Variants in FTO observed in about 807,000 individuals in gnomAD.
FTO encodes the protein FTO alpha-ketoglutarate dependent dioxygenase, also known as alpha-ketoglutarate-dependent dioxygenase FTO.
In FTO, 47 loss-of-function variants were observed where a neutral mutation model predicts 63.9. The observed-to-expected ratio is 0.74, with a 90% CI of 0.58 to 0.94. The LOEUF (loss-of-function observed/expected upper bound fraction) is 0.94. FTO is among the 40% of genes least tolerant of loss of function. FTO has a pLI of 0.00. For missense variants in FTO, 562 were observed against 618.1 expected, an observed-to-expected ratio of 0.91 and a Z score of 0.96; for synonymous variants, 207 against 224.4, an observed-to-expected ratio of 0.92 and a Z score of 0.69.
intron 8 of FTO, among the ~76,000 whole-genome samples, chr16:53,968,013 A>T (rs2083233637): frequency 6.6e-6 from 1 of 152,212 alleles, no homozygotes; most frequent in Non-Finnish European, 1.5e-5. Context: ...ATTTATATGT[A>T]TGTATATGTG....
At chr16:54,040,861 T>C (rs1300073920) in intron 8 of FTO, 3 of 152,224 alleles carry the variant, frequency 2.0e-5, no homozygotes, top group Non-Finnish European at 4.4e-5. Context: ...CACTGACTTT[T>C]AAAAGCCATC....
intron 7 of FTO, among the ~76,000 whole-genome samples, chr16:53,907,772 A>G (rs533532511): frequency 7.2e-5 from 11 of 152,204 alleles, no homozygotes; most frequent in African/African-American, 2.6e-4. Flanking sequence ...TCTTCCTGGA[A>G]TGTCTTCTCT....
chr16:53,783,602 C>CAT (rs58446593), intron 1 of FTO, among the ~76,000 whole-genome samples: 4,459 of 36,286 alleles, frequency 0.12, 319 homozygotes, highest in African/African-American at 0.29. Flanking sequence ...AGCAAGACTC[C>CAT]ATAAAAAAAA....
intron 8 of FTO, among the ~76,000 whole-genome samples, chr16:54,066,314 C>A (rs1337146991): frequency 3.3e-5 from 5 of 152,190 alleles, no homozygotes; most frequent in Non-Finnish European, 5.9e-5. Context: ...TTCTTGGGGA[C>A]ATGGCAGCTG....
chr16:53,749,957 G>C (rs546206115), intron 1 of FTO, among the ~76,000 whole-genome samples: 4 of 152,288 alleles, frequency 2.6e-5, no homozygotes, highest in African/African-American at 7.2e-5. Context: ...TCAAATGGCA[G>C]ATCTAATTTA....
At chr16:53,984,321 CTTTTTTTTTT>C (rs5816913) in intron 8 of FTO, among the ~76,000 whole-genome samples, 10 of 67,290 alleles carry the variant, frequency 1.5e-4, no homozygotes, top group African/African-American at 3.3e-4. Flanking sequence ...TGGAATGGGT[CTTTTTTTTTT>C]TTTTTTTTTT....
chr16:54,119,103 AGG>A lies in FTO; in HGVS notation c.*7189_*7190del, dbSNP rs1460964453. 2 of 152,184 alleles carry A rather than the reference AGG, an allele frequency of 1.3e-5. No individual in the cohort carries two copies. The highest frequency in any genetic ancestry group is 2.9e-5 in the Non-Finnish European group (2 of 68,050). 9.4% of individuals were successfully genotyped at this position (152,184 alleles called of 1,614,324 possible). ...AGAATAGTCTCAATGAATCATGTTA[AGG>A]CCTCTTTAGGTTTTTCAGACTCCAT... On this transcript the variant is annotated 3_prime_UTR_variant, in exon 9 of 9. Transcript: ENST00000471389.
At chr16:53,939,208 T>A (rs2082464887) in intron 8 of FTO, among the ~76,000 whole-genome samples, 1 of 152,190 alleles carries the variant, frequency 6.6e-6, no homozygotes, top group Non-Finnish European at 1.5e-5. Flanking sequence ...TTATCCAAAG[T>A]TAGCATATTT....
At chr16:54,051,670 T>C (rs2085315588) in intron 8 of FTO, among the ~76,000 whole-genome samples, 2 of 152,262 alleles carry the variant, frequency 1.3e-5, no homozygotes, top group Admixed American at 1.3e-4. Context: ...TATTTTTAAA[T>C]GCCCATGATC....
intron 8 of FTO, chr16:54,063,753 G>T (rs919444345): frequency 6.8e-6 from 1 of 147,620 alleles, no homozygotes; most frequent in Non-Finnish European, 1.5e-5. Context: ...TAGCTATATC[G>T]GGGATCCAAA....
At chr16:54,019,631 CTAGAT>C (rs10589141) in intron 8 of FTO, among the ~76,000 whole-genome samples, 77,883 of 151,554 alleles carry the variant, frequency 0.51, 22,160 homozygotes, top group African/African-American at 0.76. Flanking sequence ...ACCTCGGTTT[CTAGAT>C]TCCTTTGGCA....
chr16:53,986,011 A>G (rs999000617), intron 8 of FTO, among the ~76,000 whole-genome samples: 2 of 152,310 alleles, frequency 1.3e-5, no homozygotes, highest in Non-Finnish European at 2.9e-5. Flanking sequence ...TTTATTTTCT[A>G]TACTCCTGAG....
chr16:53,779,072 ATTTG>A (rs1234316340), intron 1 of FTO, among the ~76,000 whole-genome samples: 3 of 151,932 alleles, frequency 2.0e-5, no homozygotes, highest in South Asian at 2.1e-4. Context: ...TGATTGCTTT[ATTTG>A]TTTGTTTGCT....
rs149096789 is a variant in FTO, at chr16:54,012,807, C to A, written c.1364+78698C>A. 3.3e-5 allele frequency among the ~76,000 whole-genome samples: 5 copies of A among 151,880 alleles called. No homozygotes were observed. In the East Asian group the frequency reaches 7.7e-4, roughly 24 times the overall value. On this transcript the variant is annotated intron_variant, in intron 8 of 8. Coordinates refer to ENST00000471389, the MANE Select transcript of FTO (RefSeq NM_001080432.3). ...AGTATGGTTTACTGAATATTTTAAG[C>A]CCATTGTTGAGACCTCCTTCTCAGA...
At chr16:54,029,378 G>T (rs1336447615) in intron 8 of FTO, among the ~76,000 whole-genome samples, 2 of 152,288 alleles carry the variant, frequency 1.3e-5, no homozygotes, top group African/African-American at 4.8e-5. Context: ...TAACTTTCAT[G>T]CTGAACATGC....
chr16:53,895,901 A>AG (rs1292577907), intron 7 of FTO, among the ~76,000 whole-genome samples: 1 of 152,208 alleles, frequency 6.6e-6, no homozygotes, highest in Admixed American at 6.5e-5. Context: ...GTGTGTGGAG[A>AG]GAAAAACTGG....
intron 1 of FTO, among the ~76,000 whole-genome samples, chr16:53,783,604 T>TATAAAAAA (rs397716766): frequency 5.9e-5 from 4 of 68,138 alleles, no homozygotes; most frequent in East Asian, 5.0e-4. Context: ...CAAGACTCCA[T>TATAAAAAA]AAAAAAAAAA....
chr16:54,120,828 G>A lies in FTO; in HGVS notation c.*8913G>A, dbSNP rs1240210085. On this transcript the variant is annotated 3_prime_UTR_variant, in exon 9 of 9. Coordinates refer to ENST00000471389, the MANE Select transcript of FTO (RefSeq NM_001080432.3). ...AACCTTTGTTACTCTAGAAAACAGT[G>A]TGTGTGCTATTGTTTTCTCCATAGG... 6.6e-6 allele frequency: 1 copy of A among 152,174 alleles called. No homozygotes were observed. The highest frequency in any genetic ancestry group is 1.5e-5 in the Non-Finnish European group (1 of 68,044). The allele number at this position is 152,174 out of a possible 1,614,324, so 9.4% of individuals were successfully genotyped here.
chr16:53,891,757 T>C (rs2081155544), intron 7 of FTO, among the ~76,000 whole-genome samples: 2 of 152,252 alleles, frequency 1.3e-5, no homozygotes, highest in African/African-American at 2.4e-5. Flanking sequence ...GTTATATCTA[T>C]GTAAATTTGT....
Sources: allele counts gnomAD v4.1 joint callset (sites outside exome capture counted in the v4.1 genomes callset), GRCh38; gene constraint gnomAD v4.1.1; transcripts MANE v1.5; gene names NCBI Gene and HGNC (gene_info 2026-07-23, HGNC 2026-07-21).